HECTD4: variants seen among roughly 807,000 people sequenced by gnomAD.
The protein encoded by HECTD4 is HECT domain E3 ubiquitin protein ligase 4.
HECTD4 carries 114 observed loss-of-function variants against 471.5 expected under a neutral mutation model. The ratio of observed to expected loss-of-function variants is 0.24; its 90% confidence interval spans 0.21 to 0.28. HECTD4 has a LOEUF of 0.28. Ranked by LOEUF, HECTD4 falls within the 10% of genes least tolerant of loss-of-function variation. HECTD4 has a pLI of 1.00. For synonymous variants in HECTD4, 2,012 were observed against 2,256.0 expected, an observed-to-expected ratio of 0.89 and a Z score of 3.07; for missense variants, 3,866 against 5,651.5, an observed-to-expected ratio of 0.68 and a Z score of 10.13.
chr12:112,271,632 C>G (rs907899828), intron 11 of HECTD4, among the ~76,000 whole-genome samples: 1 of 152,172 alleles, frequency 6.6e-6, no homozygotes, highest in East Asian at 1.9e-4. Context: ...GTGTCCTGTT[C>G]TGCTCTTCAG....
chr12:112,229,937 A>G, intron 40 of HECTD4, 57 bp from the exon 41 acceptor site: 2 of 1,476,816 alleles, frequency 1.4e-6, no homozygotes, highest in Non-Finnish European at 1.8e-6. Context: ...TTTTGATGCC[A>G]AGGGTGATAA....
intron 44 of HECTD4, among the ~76,000 whole-genome samples, chr12:112,221,078 A>G (rs1357926613): frequency 6.6e-6 from 1 of 152,094 alleles, no homozygotes; most frequent in Non-Finnish European, 1.5e-5. Flanking sequence ...CAGCCTCCCA[A>G]GCAGGTGGGA....
At chr12:112,362,578 T>A (rs117469810) in intron 1 of HECTD4, among the ~76,000 whole-genome samples, 4 of 152,296 alleles carry the variant, frequency 2.6e-5, no homozygotes, top group African/African-American at 4.8e-5. Flanking sequence ...ACTCACTACC[T>A]CTGGGGAGCA....
At chr12:112,303,460 T>G (rs747436145) in intron 7 of HECTD4, among the ~76,000 whole-genome samples, 1 of 151,854 alleles carries the variant, frequency 6.6e-6, no homozygotes, top group Non-Finnish European at 1.5e-5. Context: ...CTGCCTAGAG[T>G]TCATAAAGAA....
chr12:112,342,442 G>A (rs983656662), intron 1 of HECTD4, among the ~76,000 whole-genome samples: 10 of 152,194 alleles, frequency 6.6e-5, no homozygotes, highest in African/African-American at 2.2e-4. Flanking sequence ...GGGTGACAGA[G>A]TAAGACCCTG....
chr12:112,249,353 CAAAAA>C (rs766001113), intron 25 of HECTD4, among the ~76,000 whole-genome samples: 1 of 90,490 alleles, frequency 1.1e-5, no homozygotes, highest in Non-Finnish European at 2.4e-5. Flanking sequence ...GACTCCCTCT[CAAAAA>C]AAAAAAAAAA....
intron 1 of HECTD4, among the ~76,000 whole-genome samples, chr12:112,371,801 G>A (rs1015401798): frequency 2.0e-5 from 3 of 148,934 alleles, no homozygotes; most frequent in Admixed American, 6.8e-5. Flanking sequence ...CAGGAGAATC[G>A]CTTAAACCCG....
chr12:112,373,356 A>G lies in HECTD4; in HGVS notation c.177+8596T>C, dbSNP rs142895132. Among the ~76,000 whole-genome samples, 754 of 152,222 alleles carry G rather than the reference A, an allele frequency of 5.0e-3. 10 individuals carry two copies. The highest frequency in any genetic ancestry group is 0.017 in the African/African-American group (717 of 41,528). ...GGAGTTAGCCTGGCCAACATGGTGA[A>G]ACCCCGTCTCTACTAAAAATACAAA... On this transcript the variant is annotated intron_variant, in intron 1 of 75. Transcript: ENST00000682272.
chr12:112,193,632 A>G lies in HECTD4; in HGVS notation c.8792T>C (p.Leu2931Ser), dbSNP rs1453365146. 1.9e-6 allele frequency: 3 copies of G among 1,613,206 alleles called. No individual in the cohort carries two copies. Among genetic ancestry groups the G allele is most frequent in the Non-Finnish European group, 2.5e-6 (3 of 1,179,602 alleles). Residue 2931 changes from leucine to serine, a missense_variant, in exon 57 of 76, where the codon TTA (leucine) becomes TCA (serine). By Grantham distance (145) the Leu-to-Ser change is moderately radical. Transcript: ENST00000682272. This position sits in a 1 kb window ranked among gnomAD's most constrained non-coding sequence, Gnocchi z 5.2. Reference sequence around the variant, plus strand: ...GTTCTGGGAATGGATGCAATGCTGTAAAGACTGCGCCAGGAGGATCGAGCT... The same window carrying G: ...GTTCTGGGAATGGATGCAATGCTGTGAAGACTGCGCCAGGAGGATCGAGCT... ...SSSSILLAQS[L>S]QHCIHSQNCS...
At chr12:112,274,391 A>C (rs2034482722) in intron 10 of HECTD4, among the ~76,000 whole-genome samples, 1 of 152,240 alleles carries the variant, frequency 6.6e-6, no homozygotes, top group Non-Finnish European at 1.5e-5. Context: ...ACTCATTCCC[A>C]AAATTAAAAT....
At chr12:112,361,949 G>C (rs186752129) in intron 1 of HECTD4, among the ~76,000 whole-genome samples, 2 of 152,308 alleles carry the variant, frequency 1.3e-5, no homozygotes, top group Non-Finnish European at 2.9e-5. Flanking sequence ...CCAGAAGCAG[G>C]AAGAAGGACA....
Position 112,239,741 on chromosome 12 carries a change from T to C in HECTD4, c.5105+140A>G. ...GAAATTTACATAGGAACCTTAAGTG[T>C]CTTTCAGGAGAAAAGTTTTGTATAG... On this transcript the variant is annotated intron_variant, in intron 33 of 75. Transcript: ENST00000682272. The surrounding 1 kb of genome is among the most constrained non-coding windows in gnomAD (Gnocchi z 4.9). 1.5e-6 allele frequency: 1 copy of C among 649,070 alleles called. No homozygotes were observed. The highest frequency in any genetic ancestry group is 3.6e-5 in the South Asian group (1 of 27,840). The allele number at this position is 649,070 out of a possible 1,614,324, so 40.2% of individuals were successfully genotyped here.
At position 112,194,970 on chromosome 12, in the gene HECTD4, G is replaced by A. The variant is rs774038502; in HGVS notation, c.8664C>T (p.Arg2888=). 2 of 1,611,410 alleles carry A rather than the reference G, an allele frequency of 1.2e-6. No individual in the cohort carries two copies. The highest frequency in any genetic ancestry group is 2.2e-5 in the South Asian group (2 of 90,284). ...CCCGGATGGCAGGGATGTGGAAGAG[G>A]CGAGTGAACAAGTGAGGCAACTTCG... ...FAPKLPHLFT[R]LFHIPAIRDI... is the part of the protein sequence containing the mutation. The change falls in exon 56 of 76, where the codon CGC becomes CGT. Residue 2888 remains arginine, a synonymous_variant. Coordinates refer to ENST00000682272, the MANE Select transcript of HECTD4 (RefSeq NM_001388303.1). The surrounding 1 kb of genome is among the most constrained non-coding windows in gnomAD (Gnocchi z 4.6).
chr12:112,172,826 G>C lies in HECTD4; in HGVS notation c.11630C>G (p.Ala3877Gly), dbSNP rs763534797. The change falls in exon 67 of 76, where the codon GCC becomes GGC. Residue 3877 changes from alanine to glycine, a missense_variant. By Grantham distance (60) the Ala-to-Gly change is moderately conservative. Coordinates refer to ENST00000682272, the MANE Select transcript of HECTD4 (RefSeq NM_001388303.1). ...ACIDVRHAQK[A>G]SRKWTLEMDV... ...CATCTCCAGGGTCCACTTTCTTGAG[G>C]CCTTCTGTGCATGTCGGACATCGAT... 1 of 1,614,018 alleles carries C rather than the reference G, an allele frequency of 6.2e-7. No individual in the cohort carries two copies. The highest frequency in any genetic ancestry group is 8.5e-7 in the Non-Finnish European group (1 of 1,179,892).
intron 1 of HECTD4, among the ~76,000 whole-genome samples, chr12:112,348,518 G>T (rs1283376709): frequency 6.6e-6 from 1 of 152,124 alleles, no homozygotes; most frequent in Non-Finnish European, 1.5e-5. Flanking sequence ...CAGCACTTTA[G>T]AGGTCGAGGC....
At chr12:112,197,118 C>T (rs1451861498) in intron 55 of HECTD4, among the ~76,000 whole-genome samples, 1 of 152,052 alleles carries the variant, frequency 6.6e-6, no homozygotes, top group Admixed American at 6.6e-5. Context: ...CTCTATGTTG[C>T]CCAGACTAGT....
rs751973866 is a variant in HECTD4, at chr12:112,163,284, G to C, written c.12898-20C>G. Reference sequence around the variant, plus strand: ...GTGGGCCTGGGGAGGAGAGGTCCAGGTGTCAGGAGCCCTGGAGCCCCACCT... The same window carrying C: ...GTGGGCCTGGGGAGGAGAGGTCCAGCTGTCAGGAGCCCTGGAGCCCCACCT... On this transcript the variant is annotated intron_variant, in intron 74 of 75. Transcript: ENST00000682272. The surrounding 1 kb of genome is among the most constrained non-coding windows in gnomAD (Gnocchi z 8.2). 1 of 1,595,966 alleles carries C rather than the reference G, an allele frequency of 6.3e-7. No individual in the cohort carries two copies. The highest frequency in any genetic ancestry group is 1.7e-4 in the Middle Eastern group (1 of 5,982).
intron 2 of HECTD4, among the ~76,000 whole-genome samples, chr12:112,315,397 A>C (rs1389208201): frequency 6.6e-6 from 1 of 152,222 alleles, no homozygotes; most frequent in African/African-American, 2.4e-5. Context: ...TCTTCCTGTT[A>C]ATTGCCCCTT....
chr12:112,168,332 T>G lies in HECTD4; in HGVS notation c.12209-415A>C, dbSNP rs117327364. On this transcript the variant is annotated intron_variant, in intron 70 of 75. Coordinates refer to ENST00000682272, the MANE Select transcript of HECTD4 (RefSeq NM_001388303.1). ...CCAGGCTGAGGGCAGGACCACCTGT[T>G]TCACTCAGCACTGCCTCCCCCAGTG... 2.0e-3 allele frequency among the ~76,000 whole-genome samples: 301 copies of G among 152,342 alleles called. 3 individuals are homozygous for G. In the East Asian group the frequency reaches 0.036, roughly 18 times the overall value.
Sources: allele counts gnomAD v4.1 joint callset (sites outside exome capture counted in the v4.1 genomes callset), GRCh38; gene constraint gnomAD v4.1.1; non-coding constraint Gnocchi (gnomAD v3.1); transcripts MANE v1.5; gene names NCBI Gene and HGNC (gene_info 2026-07-23, HGNC 2026-07-21).